LIN52: variants seen among roughly 807,000 people sequenced by gnomAD.
LIN52 encodes the protein protein lin-52 homolog.
A neutral mutation model predicts 18.5 loss-of-function variants in LIN52; 4 were observed. That is an observed-to-expected ratio of 0.22 (90% CI 0.11 to 0.49). The LOEUF (loss-of-function observed/expected upper bound fraction) is 0.49, where lower values mean the gene tolerates loss of function less well. Among genes scored for constraint, LIN52 ranks in the 20% least tolerant of loss-of-function variants. The probability of loss-of-function intolerance (pLI) is 0.97; values close to 1 mark genes in which losing one functional copy is unlikely to be tolerated. For missense variants in LIN52, 102 were observed against 139.5 expected, an observed-to-expected ratio of 0.73 and a Z score of 1.35; for synonymous variants, 34 against 45.5, an observed-to-expected ratio of 0.75 and a Z score of 1.02.
intron 2 of LIN52, among the ~76,000 whole-genome samples, chr14:74,095,491 C>G (rs1179550344): frequency 1.3e-5 from 2 of 152,108 alleles, no homozygotes; most frequent in Non-Finnish European, 2.9e-5. Flanking sequence ...GGCTGATCTT[C>G]AAGGGATCCT....
At chr14:74,148,794 A>C (rs907707794) in intron 5 of LIN52, among the ~76,000 whole-genome samples, 3 of 152,206 alleles carry the variant, frequency 2.0e-5, no homozygotes, top group African/African-American at 7.2e-5. Context: ...CAGTATGTTA[A>C]GGGGGCGAAG....
In LIN52 at chr14:74,201,108, G is replaced by A. The variant is rs1378839487; in HGVS notation, c.*2131G>A. 6.6e-6 allele frequency: 1 copy of A among 152,204 alleles called. No homozygotes were observed. The highest frequency in any genetic ancestry group is 1.9e-4 in the East Asian group (1 of 5,198). The allele number at this position is 152,204 out of a possible 1,614,324, so 9.4% of individuals were successfully genotyped here. A position where few individuals can be genotyped will look rare whatever the true frequency, so the allele number is the denominator to read the frequency against. The stretch of plus-strand genomic sequence containing the variant: ...ATTTGTCATCCTTAGAAATGTTAAT[G>A]ATGTATTTTTATATTGATAATATAA... On this transcript the variant is annotated 3_prime_UTR_variant, in exon 6 of 6. Transcript: ENST00000555028.
intron 1 of LIN52, among the ~76,000 whole-genome samples, chr14:74,086,112 T>C (rs1356529032): frequency 6.6e-6 from 1 of 152,200 alleles, no homozygotes; most frequent in Non-Finnish European, 1.5e-5. Context: ...CATTATTCAT[T>C]ATCTCAGTAT....
In LIN52 at chr14:74,201,285, A is replaced by G. The variant is rs953717852; in HGVS notation, c.*2308A>G. On this transcript the variant is annotated 3_prime_UTR_variant, in exon 6 of 6. Transcript: ENST00000555028. ...GCCGAGTTGGATATTTAAAGCACAG[A>G]CCTCCCCAGAAAGTACAACTGTAAT... is the stretch of plus-strand genomic sequence containing the variant. 2 of 151,910 alleles carry G rather than the reference A, an allele frequency of 1.3e-5. No homozygotes were observed. The highest frequency in any genetic ancestry group is 1.5e-5 in the Non-Finnish European group (1 of 67,986). 9.4% of individuals were successfully genotyped at this position (151,910 alleles called of 1,614,324 possible).
chr14:74,176,006 A>G lies in LIN52; in HGVS notation c.284-22916A>G, dbSNP rs556168021. On this transcript the variant is annotated intron_variant, in intron 5 of 5. Coordinates refer to ENST00000555028, the MANE Select transcript of LIN52 (RefSeq NM_001024674.3). ...AAGACACAAACACACACATTAACCT[A>G]GGACTACACATGGTTAGGATCATGG... Among the ~76,000 whole-genome samples the G allele has an allele frequency of 9.9e-5, 15 of 152,194 alleles. 1 individual carries two copies. Among genetic ancestry groups the G allele is most frequent in the African/African-American group, 3.6e-4 (15 of 41,516 alleles).
chr14:74,180,198 T>C (rs1368833870), intron 5 of LIN52, among the ~76,000 whole-genome samples: 4 of 151,958 alleles, frequency 2.6e-5, no homozygotes, highest in Non-Finnish European at 4.4e-5. Context: ...TCTACCTGCA[T>C]AGTGTCTACA....
chr14:74,170,171 A>C (rs2139573893), intron 5 of LIN52, among the ~76,000 whole-genome samples: 1 of 152,282 alleles, frequency 6.6e-6, no homozygotes, highest in African/African-American at 2.4e-5. Context: ...GCAAGAGACA[A>C]AGTTGTTCAT....
Position 74,145,352 on chromosome 14 carries a change from C to G in LIN52, c.283+44114C>G, listed in dbSNP as rs143568200. 9.8e-5 allele frequency among the ~76,000 whole-genome samples: 15 copies of G among 152,302 alleles called. No individual in the cohort carries two copies. The East Asian group carries it at 2.9e-3, about 29-fold the overall frequency. On this transcript the variant is annotated intron_variant, in intron 5 of 5. Coordinates refer to ENST00000555028, the MANE Select transcript of LIN52 (RefSeq NM_001024674.3). ...CCAAACCTTTGCCAACCTCTTGCCT[C>G]TCCAGTATTAACAGTGTATTCTTCA...
At chr14:74,114,180 G>GTGT (rs2060949507) in intron 5 of LIN52, 2 of 443,840 alleles carry the variant, frequency 4.5e-6, no homozygotes, top group Non-Finnish European at 5.6e-6. Context: ...AGATTAGTGT[G>GTGT]TGTGTGTGTG....
At chr14:74,108,458 C>G (rs1043459618) in intron 5 of LIN52, among the ~76,000 whole-genome samples, 1 of 152,212 alleles carries the variant, frequency 6.6e-6, no homozygotes, top group African/African-American at 2.4e-5. Context: ...AACTGTCAGA[C>G]TGTTTTCCAA....
At chr14:74,164,139 G>A (rs1405933616) in intron 5 of LIN52, among the ~76,000 whole-genome samples, 2 of 151,996 alleles carry the variant, frequency 1.3e-5, no homozygotes, top group African/African-American at 4.8e-5. Flanking sequence ...CCGCCACCAT[G>A]CCCGGCTAAT....
intron 5 of LIN52, among the ~76,000 whole-genome samples, chr14:74,195,411 C>T (rs954833600): frequency 6.6e-6 from 1 of 152,216 alleles, no homozygotes; most frequent in African/African-American, 2.4e-5. Context: ...ATGGCTTTCT[C>T]TTCTCTGTAA....
chr14:74,179,070 C>A (rs761210323), intron 5 of LIN52, among the ~76,000 whole-genome samples: 3 of 151,970 alleles, frequency 2.0e-5, no homozygotes, highest in Non-Finnish European at 2.9e-5. Context: ...CAGAATGAGA[C>A]CCTGTCTCAA....
At position 74,130,417 on chromosome 14, in the gene LIN52, A is replaced by G. The variant is rs1188846718; in HGVS notation, c.283+29179A>G. ...CTCAGCCTCCCAAGTAGCTAGGATT[A>G]CAGGCGTGTACCACCACTCCTGGCT... On this transcript the variant is annotated intron_variant, in intron 5 of 5. Coordinates refer to ENST00000555028, the MANE Select transcript of LIN52 (RefSeq NM_001024674.3). Among the ~76,000 whole-genome samples, 25 of 150,502 alleles carry G rather than the reference A, an allele frequency of 1.7e-4. 1 individual carries two copies. Among genetic ancestry groups the G allele is most frequent in the Middle Eastern group, 3.2e-3 (1 of 314 alleles).
chr14:74,128,679 T>C (rs924382968), intron 5 of LIN52, among the ~76,000 whole-genome samples: 1 of 152,206 alleles, frequency 6.6e-6, no homozygotes, highest in African/African-American at 2.4e-5. Context: ...CAGTGGCTCA[T>C]GCCTGTAATC....
intron 5 of LIN52, among the ~76,000 whole-genome samples, chr14:74,157,174 A>G (rs1344358881): frequency 6.6e-6 from 1 of 151,674 alleles, no homozygotes; most frequent in Non-Finnish European, 1.5e-5. Flanking sequence ...CTGGGACTCC[A>G]GGCATGTGCC....
chr14:74,194,632 A>G (rs2078898965), intron 5 of LIN52, among the ~76,000 whole-genome samples: 1 of 152,170 alleles, frequency 6.6e-6, no homozygotes, highest in South Asian at 2.1e-4. Context: ...TTAACCCTAT[A>G]GTGACAGTTT....
rs60871881 is a variant in LIN52 at position 74,200,429 on chromosome 14, A to T, written c.*1452A>T. ...CTCTGTCTCAGAAAAAAAAAAAAAAAAAAAAAAAAAAAAAGAATATCCCTG... is the reference window on the plus strand; with the variant it reads ...CTCTGTCTCAGAAAAAAAAAAAAAATAAAAAAAAAAAAAAGAATATCCCTG... On this transcript the variant is annotated 3_prime_UTR_variant, in exon 6 of 6. Transcript: ENST00000555028. 6.9e-6 allele frequency: 1 copy of T among 144,160 alleles called. No homozygotes were observed. The highest frequency in any genetic ancestry group is 1.5e-5 in the Non-Finnish European group (1 of 65,300). The allele number at this position is 144,160 out of a possible 1,614,324, so 8.9% of individuals were successfully genotyped here.
At chr14:74,109,345 A>G (rs72725959) in intron 5 of LIN52, among the ~76,000 whole-genome samples, 16,959 of 152,190 alleles carry the variant, frequency 0.11, 1,241 homozygotes, top group Admixed American at 0.19. Flanking sequence ...TTAGCCATAC[A>G]TGGTGATGTG....
Sources: allele counts gnomAD v4.1 joint callset (sites outside exome capture counted in the v4.1 genomes callset), GRCh38; gene constraint gnomAD v4.1.1; transcripts MANE v1.5; gene names NCBI Gene and HGNC (gene_info 2026-07-23, HGNC 2026-07-21).